The following F10 variants were observed in gnomAD, a reference collection of about 807,000 sequenced individuals.
F10 encodes coagulation factor X, also known as Stuart-Prower factor.
In F10, 29 loss-of-function variants were observed where a neutral mutation model predicts 37.1. The ratio of observed to expected loss-of-function variants is 0.78; its 90% confidence interval spans 0.58 to 1.07. The LOEUF (loss-of-function observed/expected upper bound fraction) is 1.07, where lower values mean the gene tolerates loss of function less well. Ranked by LOEUF, F10 falls within the 50% of genes least tolerant of loss-of-function variation. The pLI is 0.00. For missense variants in F10, 539 were observed against 667.9 expected (o/e 0.81, Z 2.13); for synonymous variants, 262 against 268.6 (o/e 0.98, Z 0.24).
Position 113,129,445 on chromosome 13 carries a change from CT to C in F10, c.71-5del, listed in dbSNP as rs1224927913. 3.1e-6 allele frequency: 5 copies of C among 1,613,446 alleles called. No individual in the cohort carries two copies. The Admixed American group carries it at 6.7e-5, about 22-fold the overall frequency. ...GAGCTTTTAACCCTGTCCTCCCTGC[CT>C]TCCAGTGTTCATCCGCAGGGAGCAG... On this transcript the variant is annotated splice_polypyrimidine_tract_variant and splice_region_variant and intron_variant, in intron 1 of 7. Coordinates refer to ENST00000375559, the MANE Select transcript of F10 (RefSeq NM_000504.4).
intron 2 of F10, among the ~76,000 whole-genome samples, chr13:113,137,658 G>A (rs2036491460): frequency 6.6e-6 from 1 of 152,162 alleles, no homozygotes; most frequent in African/African-American, 2.4e-5. Flanking sequence ...GGCTCTGGGA[G>A]AGTCTCTGTC....
intron 1 of F10, among the ~76,000 whole-genome samples, chr13:113,124,761 A>G (rs2036354950): frequency 6.6e-6 from 1 of 152,256 alleles, no homozygotes; most frequent in Admixed American, 6.5e-5. Context: ...AAGAAAGGAC[A>G]ATGGACCAAG....
Position 113,129,474 on chromosome 13 carries a change from C to T in F10, c.93C>T (p.Ala31=), listed in dbSNP as rs1446095911. 1.2e-6 allele frequency: 2 copies of T among 1,613,966 alleles called. No homozygotes were observed. Among genetic ancestry groups the T allele is most frequent in the South Asian group, 2.2e-5 (2 of 91,052 alleles). Reference sequence around the variant, plus strand: ...CAGTGTTCATCCGCAGGGAGCAGGCCAACAACATCCTGGCGAGGGTCACGA... The same window carrying T: ...CAGTGTTCATCCGCAGGGAGCAGGCTAACAACATCCTGGCGAGGGTCACGA... ...GESLFIRREQ[A]NNILARVTRA... is the part of the protein sequence containing the mutation. The change falls in exon 2 of 8, where the codon GCC becomes GCT. Residue 31 remains alanine, a synonymous_variant. Coordinates refer to ENST00000375559, the MANE Select transcript of F10 (RefSeq NM_000504.4).
In F10 at chr13:113,144,871, C is replaced by T. The variant is rs889359265; in HGVS notation, c.747+776C>T. Among the ~76,000 whole-genome samples the T allele has an allele frequency of 2.1e-4, 31 of 149,436 alleles. No homozygotes were observed. The highest frequency in any genetic ancestry group is 3.5e-4 in the Non-Finnish European group (24 of 67,638). Reference sequence around the variant, plus strand: ...TGGAATTACGGGCGCCCGCTACTTACGCCTGGCTAATTTTTTTTTTTTTTT... The same window carrying T: ...TGGAATTACGGGCGCCCGCTACTTATGCCTGGCTAATTTTTTTTTTTTTTT... On this transcript the variant is annotated intron_variant, in intron 6 of 7. Transcript: ENST00000375559. This position sits in a 1 kb window ranked among gnomAD's most constrained non-coding sequence, Gnocchi z 6.4.
intron 6 of F10, among the ~76,000 whole-genome samples, chr13:113,145,034 A>G (rs1033579028): frequency 3.9e-5 from 6 of 151,992 alleles, no homozygotes; most frequent in Non-Finnish European, 7.4e-5. Flanking sequence ...GCCTGCCACC[A>G]CGCCCAGCTA....
At chr13:113,138,070 C>T (rs905528561) in intron 2 of F10, among the ~76,000 whole-genome samples, 2 of 152,174 alleles carry the variant, frequency 1.3e-5, no homozygotes, top group African/African-American at 4.8e-5. Context: ...TTTCAGCTAA[C>T]GTAATGACTA....
chr13:113,131,624 G>C (rs745771433), intron 2 of F10: 1 of 152,226 alleles, frequency 6.6e-6, no homozygotes, highest in Non-Finnish European at 1.5e-5. Context: ...ATATTCAGGC[G>C]CCTTGATAAA....
intron 1 of F10, among the ~76,000 whole-genome samples, chr13:113,129,229 T>A (rs1255475177): frequency 6.6e-6 from 1 of 152,206 alleles, no homozygotes; most frequent in African/African-American, 2.4e-5. Flanking sequence ...CTTCCCCTCA[T>A]GGCCTCAACT....
intron 1 of F10, 29 bp from the exon 2 acceptor site, chr13:113,129,423 C>G: frequency 6.5e-7 from 1 of 1,549,288 alleles, no homozygotes; most frequent in Non-Finnish European, 8.8e-7. Flanking sequence ...GTGACCAGAG[C>G]TTTTAACCCT....
intron 2 of F10, 96 bp downstream of exon 2, chr13:113,129,708 A>T: frequency 6.5e-7 from 1 of 1,527,762 alleles, no homozygotes; most frequent in Admixed American, 1.7e-5. Context: ...GGCGGCCTGG[A>T]GGAAGGGGCA....
chr13:113,124,921 C>G (rs1157335631), intron 1 of F10, among the ~76,000 whole-genome samples: 1 of 152,228 alleles, frequency 6.6e-6, no homozygotes, highest in Admixed American at 6.5e-5. Flanking sequence ...GCCTCACAGC[C>G]CATGGCTTGT....
At chr13:113,125,041 A>G (rs893866271) in intron 1 of F10, among the ~76,000 whole-genome samples, 4 of 152,112 alleles carry the variant, frequency 2.6e-5, no homozygotes, top group African/African-American at 7.2e-5. Flanking sequence ...TTTAGGGCTC[A>G]CTCTACTCCC....
rs1478962140 is a variant in F10 at position 113,139,864 on chromosome 13, T to C, written c.370+394T>C. ...GTGATTCTAAATCACCTCTTATTTA[T>C]GTGTATGGATGCAGGTGTCAATATT... On this transcript the variant is annotated intron_variant, in intron 4 of 7. Coordinates refer to ENST00000375559, the MANE Select transcript of F10 (RefSeq NM_000504.4). The surrounding 1 kb of genome is among the most constrained non-coding windows in gnomAD (Gnocchi z 5.2). Among the ~76,000 whole-genome samples, 1 of 152,168 alleles carries C rather than the reference T, an allele frequency of 6.6e-6. No individual in the cohort carries two copies. Among genetic ancestry groups the C allele is most frequent in the East Asian group, 1.9e-4 (1 of 5,198 alleles).
In F10 at chr13:113,149,355, C is replaced by T. The variant is rs760528270; in HGVS notation, c.1305C>T (p.Gly435=). The T allele has an allele frequency of 3.7e-6, 6 of 1,613,400 alleles. No homozygotes were observed. The highest frequency in any genetic ancestry group is 2.2e-5 in the East Asian group (1 of 44,878). The change falls in exon 8 of 8, where the codon GGC becomes GGT. Residue 435 remains glycine (G), a synonymous_variant. Coordinates refer to ENST00000375559, the MANE Select transcript of F10 (RefSeq NM_000504.4). This position sits in a 1 kb window ranked among gnomAD's most constrained non-coding sequence, Gnocchi z 7.5. Reference sequence around the variant, plus strand: ...TCAAGGACACCTACTTCGTGACAGGCATCGTCAGCTGGGGAGAGGGCTGTG... The same window carrying T: ...TCAAGGACACCTACTTCGTGACAGGTATCGTCAGCTGGGGAGAGGGCTGTG... ...TRFKDTYFVT[G]IVSWGEGCAR... is the part of the protein sequence containing the mutation.
rs2036552891 is a variant in F10, at chr13:113,143,630, G to A, written c.503-221G>A. ...TGCTGCCTGGCGTCCATTGTTCACA[G>A]GCGGTCACCTGAGGGGAGGCCAACG... is the stretch of plus-strand genomic sequence containing the variant. On this transcript the variant is annotated intron_variant, in intron 5 of 7. Coordinates refer to ENST00000375559, the MANE Select transcript of F10 (RefSeq NM_000504.4). This position sits in a 1 kb window ranked among gnomAD's most constrained non-coding sequence, Gnocchi z 6.8. Among the ~76,000 whole-genome samples the A allele has an allele frequency of 1.3e-5, 2 of 152,198 alleles. No individual in the cohort carries two copies. The highest frequency in any genetic ancestry group is 1.3e-4 in the Admixed American group (2 of 15,280).
intron 1 of F10, among the ~76,000 whole-genome samples, chr13:113,127,011 T>C (rs2036377088): frequency 6.6e-6 from 1 of 152,062 alleles, no homozygotes; most frequent in South Asian, 2.1e-4. Context: ...AAATAATAAA[T>C]CTAAGTCTAG....
intron 6 of F10, 66 bp from the exon 7 acceptor site, chr13:113,147,313 G>A: frequency 9.1e-7 from 1 of 1,096,964 alleles, no homozygotes; most frequent in South Asian, 1.2e-5. Flanking sequence ...CTGAAGAGCT[G>A]GCTTCTCAGT....
intron 1 of F10, among the ~76,000 whole-genome samples, chr13:113,123,995 A>G (rs533501942): frequency 2.8e-4 from 43 of 152,258 alleles, no homozygotes; most frequent in Non-Finnish European, 4.9e-4. Flanking sequence ...GTGGGATGAG[A>G]TCAGCGTGGG....
At chr13:113,132,236 T>C (rs1178479407) in intron 2 of F10, among the ~76,000 whole-genome samples, 3 of 152,234 alleles carry the variant, frequency 2.0e-5, no homozygotes, top group African/African-American at 4.8e-5. Flanking sequence ...ACTTCTTATA[T>C]ATACATATAT....
Sources: allele counts gnomAD v4.1 joint callset (sites outside exome capture counted in the v4.1 genomes callset), GRCh38; gene constraint gnomAD v4.1.1; non-coding constraint Gnocchi (gnomAD v3.1); transcripts MANE v1.5; gene names NCBI Gene and HGNC (gene_info 2026-07-23, HGNC 2026-07-21).